The following PYGB variants were observed in gnomAD, a reference collection of about 807,000 sequenced individuals.
The protein encoded by PYGB is glycogen phosphorylase B.
PYGB carries 82 observed loss-of-function variants against 94.3 expected under a neutral mutation model. That is an observed-to-expected ratio of 0.87 (90% confidence interval 0.73 to 1.04). The LOEUF (loss-of-function observed/expected upper bound fraction) is 1.04. Among genes scored for constraint, PYGB ranks in the 50% least tolerant of loss-of-function variants. The pLI, the probability that PYGB is intolerant of heterozygous loss-of-function variation, is 0.00. For synonymous variants in PYGB, 488 were observed against 479.1 expected, an observed-to-expected ratio of 1.02 and a Z score of -0.24; for missense variants, 1,132 against 1,158.2, an observed-to-expected ratio of 0.98 and a Z score of 0.33.
At chr20:25,248,636 C>G (rs1331608210) in intron 1 of PYGB, among the ~76,000 whole-genome samples, 1 of 151,936 alleles carries the variant, frequency 6.6e-6, no homozygotes, top group Admixed American at 6.6e-5. Context: ...CGGGTCCGCC[C>G]CACTGGGAGC....
rs200038135 is a variant in PYGB at position 25,280,417 on chromosome 20, G to A, written c.1239+5G>A. On this transcript the variant is annotated splice_donor_5th_base_variant and intron_variant, in intron 10 of 19. Coordinates refer to ENST00000216962, the MANE Select transcript of PYGB (RefSeq NM_002862.4). ...ATCAACCAGCGGCACCTGGACGTGA[G>A]TGTGGGCCCAGCTGGCCGTGTAGGG... The A allele has an allele frequency of 2.5e-6, 4 of 1,613,942 alleles. No homozygotes were observed. Among genetic ancestry groups the A allele is most frequent in the Non-Finnish European group, 3.4e-6 (4 of 1,179,938 alleles).
At chr20:25,286,871 A>G (rs990127364) in intron 14 of PYGB, among the ~76,000 whole-genome samples, 1 of 152,172 alleles carries the variant, frequency 6.6e-6, no homozygotes, top group South Asian at 2.1e-4. Flanking sequence ...TGGGGTTTGC[A>G]TGGTTTCCTT....
At position 25,296,667 on chromosome 20, in the gene PYGB, T is replaced by C. The variant is rs1380564931; in HGVS notation, c.*145T>C. On this transcript the variant is annotated 3_prime_UTR_variant, in exon 20 of 20. Transcript: ENST00000216962. ...CCAGGAGGGGCCATGGGGGTCAGGG[T>C]GGTTTTGAGAGAGCAGGGTAAGGAA... 1.8e-6 allele frequency: 2 copies of C among 1,133,692 alleles called. No individual in the cohort carries two copies. Among genetic ancestry groups the C allele is most frequent in the East Asian group, 5.1e-5 (2 of 38,860 alleles). 70.2% of individuals were successfully genotyped at this position (1,133,692 alleles called of 1,614,324 possible). A position where few individuals can be genotyped will look rare whatever the true frequency, so the allele number is the denominator to read the frequency against.
rs1471198194 is a variant in PYGB at position 25,292,590 on chromosome 20, T to A, written c.2154T>A (p.Asp718Glu). ...NLFIFGLRVEDVEALDRKGYN... is the reference protein window; with the variant it reads ...NLFIFGLRVEEVEALDRKGYN... The stretch of plus-strand genomic sequence containing the variant: ...TCATCTTCGGCCTGCGGGTGGAGGA[T>A]GTCGAGGCCTTGGACCGGAAAGGGT... The change falls in exon 17 of 20, where the codon GAT (aspartate) becomes GAA (glutamate). Residue 718 changes from aspartate to glutamate, a missense_variant. Physicochemically the swap from Asp to Glu is conservative, Grantham distance 45. Transcript: ENST00000216962. 1 of 1,612,312 alleles carries A rather than the reference T, an allele frequency of 6.2e-7. No homozygotes were observed. The highest frequency in any genetic ancestry group is 8.5e-7 in the Non-Finnish European group (1 of 1,179,908).
intron 15 of PYGB, among the ~76,000 whole-genome samples, chr20:25,288,923 A>G (rs1248030059): frequency 2.0e-5 from 3 of 152,232 alleles, no homozygotes; most frequent in Admixed American, 2.0e-4. Context: ...CACACTCATC[A>G]GCCCTCTGCG....
In PYGB at chr20:25,281,091, C is replaced by T. The variant is rs199996858; in HGVS notation, c.1382C>T (p.Ser461Leu). The T allele has an allele frequency of 1.1e-5, 17 of 1,614,046 alleles. No individual in the cohort carries two copies. Among genetic ancestry groups the T allele is most frequent in the East Asian group, 6.7e-5 (3 of 44,896 alleles). Residue 461 changes from serine to leucine, a missense_variant, in exon 11 of 20, where the codon TCG (serine) becomes TTG (leucine). Transcript: ENST00000216962. ...HAVNGVARIH[S>L]EIVKQSVFKD... is the part of the protein sequence containing the mutation. ...GTCAATGGTGTGGCGAGGATCCACT[C>T]GGAGATCGTGAAACAGTCGGTGTGA...
chr20:25,264,529 T>A (rs546326943), intron 2 of PYGB, among the ~76,000 whole-genome samples: 1 of 152,272 alleles, frequency 6.6e-6, no homozygotes, highest in African/African-American at 2.4e-5. Context: ...GAAAACCCCA[T>A]CATCTCAGCC....
chr20:25,248,550 G>A (rs1465974380), intron 1 of PYGB, 129 bp downstream of exon 1: 1 of 1,174,206 alleles, frequency 8.5e-7, no homozygotes, highest in Non-Finnish European at 1.1e-6. Flanking sequence ...CCGGCGGCCA[G>A]GCACAGCCGA....
At chr20:25,295,162 C>A in intron 18 of PYGB, 1 of 927,574 alleles carries the variant, frequency 1.1e-6, no homozygotes, top group Admixed American at 1.9e-5. Flanking sequence ...TCAGGAACTG[C>A]AAGTCAGTAT....
At chr20:25,288,284 T>C (rs3002702) in intron 14 of PYGB, 141 bp from the exon 15 acceptor site, 439,698 of 965,932 alleles carry the variant, frequency 0.46, 105,765 homozygotes, top group East Asian at 0.92. Context: ...TGTGCCACTG[T>C]CACCCGTGTC....
At position 25,248,206 on chromosome 20, in the gene PYGB, A is replaced by G. The variant is rs1408368580; in HGVS notation, c.28A>G (p.Lys10Glu). Residue 10 changes from lysine (K) to glutamate (E), a missense_variant, in exon 1 of 20, where the codon AAG becomes GAG. Coordinates refer to ENST00000216962, the MANE Select transcript of PYGB (RefSeq NM_002862.4). MAKPLTDSE[K>E]RKQISVRGLA... Reference sequence around the variant, plus strand: ...GGCGAAGCCGCTGACGGACAGCGAGAAGCGGAAGCAGATCAGCGTGCGCGG... The same window carrying G: ...GGCGAAGCCGCTGACGGACAGCGAGGAGCGGAAGCAGATCAGCGTGCGCGG... The G allele has an allele frequency of 6.3e-7, 1 of 1,591,300 alleles. No individual in the cohort carries two copies. The highest frequency in any genetic ancestry group is 8.6e-7 in the Non-Finnish European group (1 of 1,169,268).
At chr20:25,257,764 C>A (rs2092905462) in intron 1 of PYGB, among the ~76,000 whole-genome samples, 1 of 152,192 alleles carries the variant, frequency 6.6e-6, no homozygotes, top group African/African-American at 2.4e-5. Flanking sequence ...TAATACTTGA[C>A]CCACAGTATT....
chr20:25,272,417 C>T (rs557665699), intron 4 of PYGB, among the ~76,000 whole-genome samples: 5 of 152,300 alleles, frequency 3.3e-5, no homozygotes, highest in African/African-American at 1.2e-4. Flanking sequence ...AGAAATTAAC[C>T]CAAAACATAA....
chr20:25,287,349 T>C (rs910760551), intron 14 of PYGB, among the ~76,000 whole-genome samples: 1 of 152,218 alleles, frequency 6.6e-6, no homozygotes, highest in Admixed American at 6.5e-5. Flanking sequence ...ACAATGTGTT[T>C]AAAACACAAT....
chr20:25,293,953 C>T (rs1354981822), intron 17 of PYGB: 1 of 615,986 alleles, frequency 1.6e-6, no homozygotes, highest in Non-Finnish European at 2.8e-6. Flanking sequence ...TGGCTTTAGA[C>T]TGACTTCACA....
intron 16 of PYGB, among the ~76,000 whole-genome samples, 155 bp from the exon 17 acceptor site, chr20:25,292,251 T>TGTGGGAGCGGGA (rs1260177986): frequency 8.5e-6 from 1 of 118,274 alleles, no homozygotes; most frequent in Non-Finnish European, 1.8e-5. Flanking sequence ...CCTGGGCCCC[T>TGTGGGAGCGGGA]GTGGGAGCGG....
intron 15 of PYGB, among the ~76,000 whole-genome samples, chr20:25,289,476 C>G (rs2088446526): frequency 6.6e-6 from 1 of 152,102 alleles, no homozygotes; most frequent in African/African-American, 2.4e-5. Context: ...GAAACCCCAT[C>G]TCTACAAAAA....
chr20:25,284,716 G>T (rs1039861746), intron 14 of PYGB, among the ~76,000 whole-genome samples: 4 of 152,222 alleles, frequency 2.6e-5, no homozygotes, highest in Admixed American at 6.5e-5. Flanking sequence ...ATGAGCCACT[G>T]TACCGGGCCT....
intron 1 of PYGB, among the ~76,000 whole-genome samples, chr20:25,249,170 TC>T (rs2123500601): frequency 6.6e-6 from 1 of 152,326 alleles, no homozygotes; most frequent in East Asian, 1.9e-4. Flanking sequence ...GGGCCTGTGT[TC>T]TTGCTGTGTT....
Sources: allele counts gnomAD v4.1 joint callset (sites outside exome capture counted in the v4.1 genomes callset), GRCh38; gene constraint gnomAD v4.1.1; transcripts MANE v1.5; gene names NCBI Gene and HGNC (gene_info 2026-07-23, HGNC 2026-07-21).